Variants in STRN observed in about 807,000 individuals in gnomAD.
STRN encodes striatin.
In STRN, 53 loss-of-function variants were observed where a neutral mutation model predicts 96.3. That is an observed-to-expected ratio of 0.55 (90% confidence interval 0.44 to 0.69). The LOEUF is 0.69. STRN is among the 30% of genes least tolerant of loss of function. The pLI is 0.00. For synonymous variants in STRN, 428 were observed against 355.9 expected (o/e 1.20, Z -2.28); for missense variants, 987 against 963.9 (o/e 1.02, Z -0.32).
At position 36,925,188 on chromosome 2, in the gene STRN, C is replaced by T. The variant is rs769082300; in HGVS notation, c.255G>A (p.Gln85=). Residue 85 remains glutamine (Q), a synonymous_variant, in exon 2 of 18, where the codon CAG becomes CAA. Transcript: ENST00000263918. The part of the protein sequence containing the change: ...AELQAQIAFL[Q]GERKGQENLK... Reference sequence around the variant, plus strand: ...AATTTTCTTGGCCCTTCCTTTCTCCCTGCAGGAAGGCAATCTGGGCCTGAG... The same window carrying T: ...AATTTTCTTGGCCCTTCCTTTCTCCTTGCAGGAAGGCAATCTGGGCCTGAG... The T allele has an allele frequency of 1.2e-6, 2 of 1,613,782 alleles. No individual in the cohort carries two copies. The highest frequency in any genetic ancestry group is 3.3e-5 in the Admixed American group (2 of 59,988).
chr2:36,867,325 T>C (rs572847123), intron 12 of STRN: 1 of 151,882 alleles, frequency 6.6e-6, no homozygotes, highest in Non-Finnish European at 1.5e-5. Context: ...TTGTCTCCAC[T>C]GGATCATGCC....
In STRN at chr2:36,934,708, C is replaced by T. The variant is rs74968008; in HGVS notation, c.235-9500G>A. On this transcript the variant is annotated intron_variant, in intron 1 of 17. Transcript: ENST00000263918. ...ACTCTTCCCAACGGAAGAAGGCTATCGACAATCTGTTCCCATCCCCTCTAT... is the reference window on the plus strand; with the variant it reads ...ACTCTTCCCAACGGAAGAAGGCTATTGACAATCTGTTCCCATCCCCTCTAT... 2.7e-3 allele frequency among the ~76,000 whole-genome samples: 415 copies of T among 152,304 alleles called. 3 individuals are homozygous for T. Among genetic ancestry groups the T allele is most frequent in the Non-Finnish European group, 4.5e-3 (307 of 68,026 alleles).
chr2:36,928,247 T>C (rs918190764), intron 1 of STRN, among the ~76,000 whole-genome samples: 2 of 152,024 alleles, frequency 1.3e-5, no homozygotes, highest in Non-Finnish European at 2.9e-5. Context: ...TCTCCAGATA[T>C]GGCAGTATAT....
At chr2:36,851,344 G>A (rs1668217564) in intron 15 of STRN, among the ~76,000 whole-genome samples, 1 of 152,024 alleles carries the variant, frequency 6.6e-6, no homozygotes, top group Non-Finnish European at 1.5e-5. Flanking sequence ...TTAGCCGAGT[G>A]TGGTGGTGCG....
At position 36,846,227 on chromosome 2, in the gene STRN, C is replaced by G. The variant is rs537906459; in HGVS notation, c.*3229G>C. On this transcript the variant is annotated 3_prime_UTR_variant, in exon 18 of 18. Coordinates refer to ENST00000263918, the MANE Select transcript of STRN (RefSeq NM_003162.4). ...AATGACAGTCTTTAAAACAAGCATG[C>G]TAGCCTATAATGAATATTGTATATA... is the stretch of plus-strand genomic sequence containing the variant. 6.7e-6 allele frequency: 1 copy of G among 149,984 alleles called. No homozygotes were observed. Among genetic ancestry groups the G allele is most frequent in the African/African-American group, 2.5e-5 (1 of 40,728 alleles). The allele number at this position is 149,984 out of a possible 1,614,324, so 9.3% of individuals were successfully genotyped here. A position where few individuals can be genotyped will look rare whatever the true frequency, so the allele number is the denominator to read the frequency against.
At position 36,857,872 on chromosome 2, in the gene STRN, T is replaced by C; in HGVS notation, c.1821A>G (p.Val607=). Residue 607 remains valine (V), a synonymous_variant, in exon 14 of 18, where the codon GTA becomes GTG. Coordinates refer to ENST00000263918, the MANE Select transcript of STRN (RefSeq NM_003162.4). ...NTTEVAPALS[V]FNDTKELGIP... ...AGTATGTACCTTTAGTATCATTAAATACACTTAGTGCTGGAGCAACCTCAG... is the reference window on the plus strand; with the variant it reads ...AGTATGTACCTTTAGTATCATTAAACACACTTAGTGCTGGAGCAACCTCAG... The C allele has an allele frequency of 6.2e-7, 1 of 1,613,874 alleles. No homozygotes were observed. Among genetic ancestry groups the C allele is most frequent in the East Asian group, 2.2e-5 (1 of 44,876 alleles).
intron 2 of STRN, among the ~76,000 whole-genome samples, chr2:36,920,659 A>C (rs1670228844): frequency 6.6e-6 from 1 of 151,110 alleles, no homozygotes; most frequent in Admixed American, 6.6e-5. Flanking sequence ...AAAAAAAGAC[A>C]CAAAAGCAGG....
intron 2 of STRN, among the ~76,000 whole-genome samples, chr2:36,918,223 A>G (rs1369947807): frequency 6.6e-6 from 1 of 152,160 alleles, no homozygotes; most frequent in East Asian, 1.9e-4. Flanking sequence ...ATTGATCATC[A>G]GAAGGTAAGA....
intron 12 of STRN, among the ~76,000 whole-genome samples, chr2:36,863,674 C>G (rs1345778699): frequency 1.3e-5 from 2 of 152,054 alleles, no homozygotes; most frequent in Non-Finnish European, 2.9e-5. Context: ...GAATTTTAAA[C>G]ATTTTTTCTA....
intron 1 of STRN, among the ~76,000 whole-genome samples, chr2:36,941,736 T>C (rs1670850104): frequency 6.6e-6 from 1 of 150,512 alleles, no homozygotes; most frequent in South Asian, 2.1e-4. Context: ...TTTTTTTTAG[T>C]GGAGACGGGT....
intron 14 of STRN, among the ~76,000 whole-genome samples, chr2:36,857,504 G>C (rs1310141692): frequency 6.6e-6 from 1 of 151,636 alleles, no homozygotes; most frequent in Non-Finnish European, 1.5e-5. Context: ...GCAAAACCCT[G>C]TCTCTACTAA....
intron 8 of STRN, among the ~76,000 whole-genome samples, chr2:36,885,097 C>T (rs80189208): frequency 6.6e-6 from 1 of 151,916 alleles, no homozygotes; most frequent in Admixed American, 6.6e-5. Flanking sequence ...CATTTTAATC[C>T]CCCGATTTAA....
chr2:36,848,323 G>A lies in STRN; in HGVS notation c.*1133C>T, dbSNP rs1668132156. The A allele has an allele frequency of 6.6e-6, 1 of 152,176 alleles. No individual in the cohort carries two copies. Among genetic ancestry groups the A allele is most frequent in the Non-Finnish European group, 1.5e-5 (1 of 68,024 alleles). The allele number at this position is 152,176 out of a possible 1,614,324, so 9.4% of individuals were successfully genotyped here. A position where few individuals can be genotyped will look rare whatever the true frequency, so the allele number is the denominator to read the frequency against. On this transcript the variant is annotated 3_prime_UTR_variant, in exon 18 of 18. Coordinates refer to ENST00000263918, the MANE Select transcript of STRN (RefSeq NM_003162.4). ...GAGATTCTTACAGGGATTAATAGAGGACTTCTAGGGTACAAAATATTTGTT... is the reference window on the plus strand; with the variant it reads ...GAGATTCTTACAGGGATTAATAGAGAACTTCTAGGGTACAAAATATTTGTT...
At chr2:36,933,927 C>T (rs191869719) in intron 1 of STRN, among the ~76,000 whole-genome samples, 53 of 152,164 alleles carry the variant, frequency 3.5e-4, no homozygotes, top group African/African-American at 9.4e-4. Flanking sequence ...CTGGCCAACA[C>T]GGCGAAACCC....
intron 1 of STRN, among the ~76,000 whole-genome samples, chr2:36,946,661 G>A (rs1670993427): frequency 6.6e-6 from 1 of 152,046 alleles, no homozygotes; most frequent in African/African-American, 2.4e-5. Flanking sequence ...AGAGGCTAGG[G>A]TACTTTCTAC....
At position 36,845,060 on chromosome 2, in the gene STRN, G is replaced by A. The variant is rs766401793; in HGVS notation, c.*4396C>T. The A allele has an allele frequency of 2.6e-5, 4 of 152,010 alleles. No individual in the cohort carries two copies. 9.4% of individuals were successfully genotyped at this position (152,010 alleles called of 1,614,324 possible). ...CAACTTCTGAGTAAATAAAATGAAT[G>A]ATTATGTACTTAATAGCCTTGTAGT... On this transcript the variant is annotated 3_prime_UTR_variant, in exon 18 of 18. Coordinates refer to ENST00000263918, the MANE Select transcript of STRN (RefSeq NM_003162.4).
At position 36,874,330 on chromosome 2, in the gene STRN, A is replaced by C. The variant is rs115837214; in HGVS notation, c.1323+3561T>G. On this transcript the variant is annotated intron_variant, in intron 10 of 17. Coordinates refer to ENST00000263918, the MANE Select transcript of STRN (RefSeq NM_003162.4). ...CAGGCTTAACTACTGACTACAGATT[A>C]CTGAAGAGACAATTAGTGAACTGAA... Among the ~76,000 whole-genome samples the C allele has an allele frequency of 4.6e-3, 706 of 152,216 alleles. 5 individuals are homozygous for C. The highest frequency in any genetic ancestry group is 7.8e-3 in the Non-Finnish European group (533 of 67,998).
intron 13 of STRN, among the ~76,000 whole-genome samples, chr2:36,858,863 A>G (rs369743363): frequency 5.9e-5 from 9 of 152,364 alleles, no homozygotes; most frequent in African/African-American, 1.4e-4. Context: ...GACAATGTTG[A>G]AAGTACAATA....
intron 2 of STRN, among the ~76,000 whole-genome samples, chr2:36,917,297 G>GGGT (rs1670130016): frequency 6.6e-6 from 1 of 151,452 alleles, no homozygotes; most frequent in East Asian, 1.9e-4. Flanking sequence ...CAAGGTAGAT[G>GGGT]GATCACCAGA....
Sources: gnomAD v4.1 joint callset for allele counts (sites outside exome capture counted in the v4.1 genomes callset) on GRCh38, gnomAD v4.1.1 for gene constraint, MANE v1.5 for transcripts, NCBI Gene and HGNC (gene_info 2026-07-23, HGNC 2026-07-21) for gene names.